DGKD: variants seen among roughly 807,000 people sequenced by gnomAD.
DGKD encodes diacylglycerol kinase delta, also known as DAG kinase delta.
In DGKD, 68 loss-of-function variants were observed where a neutral mutation model predicts 154.4. The ratio of observed to expected loss-of-function variants is 0.44; its 90% CI spans 0.36 to 0.54. The LOEUF (loss-of-function observed/expected upper bound fraction) is 0.54. DGKD is among the 20% of genes least tolerant of loss of function. DGKD has a pLI of 0.00. For synonymous variants in DGKD, 693 were observed against 638.0 expected, an observed-to-expected ratio of 1.09 and a Z score of -1.30; for missense variants, 1,343 against 1,593.6, an observed-to-expected ratio of 0.84 and a Z score of 2.68.
rs998993449 is a variant in DGKD, at chr2:233,452,506, G to C, written c.2264+446G>C. The stretch of plus-strand genomic sequence containing the variant: ...TCTAACACCTGCTCTCCTTGTTGGT[G>C]ATGCAGAACCACAGACTCTGAGCTG... On this transcript the variant is annotated intron_variant, in intron 18 of 29. Coordinates refer to ENST00000264057, the MANE Select transcript of DGKD (RefSeq NM_152879.3). The surrounding 1 kb of genome is among the most constrained non-coding windows in gnomAD (Gnocchi z 4.0). Among the ~76,000 whole-genome samples, 1 of 152,140 alleles carries C rather than the reference G, an allele frequency of 6.6e-6. No individual in the cohort carries two copies. The highest frequency in any genetic ancestry group is 2.1e-4 in the South Asian group (1 of 4,826).
At position 233,462,388 on chromosome 2, in the gene DGKD, G is replaced by A. The variant is rs1224967535; in HGVS notation, c.3022G>A (p.Glu1008Lys). 6.2e-7 allele frequency: 1 copy of A among 1,604,776 alleles called. No individual in the cohort carries two copies. The highest frequency in any genetic ancestry group is 1.7e-5 in the Admixed American group (1 of 59,880). The stretch of plus-strand genomic sequence containing the variant: ...TCAGTCTCACCGGGACATGGAGCAG[G>A]AACTGGCCCACGCCGTCAATGCCAG... Reference protein sequence around the residue: ...IAQSHRDMEQELAHAVNASSK... With the variant: ...IAQSHRDMEQKLAHAVNASSK... The change falls in exon 25 of 30, where the codon GAA (glutamate) becomes AAA (lysine). Residue 1008 changes from glutamate (E) to lysine (K), a missense_variant. This residue lies in a region of DGKD where 429 missense variants were observed against 496.3 expected (regional missense o/e 0.86). Transcript: ENST00000264057.
At chr2:233,448,923 G>A (rs754234075) in intron 14 of DGKD, among the ~76,000 whole-genome samples, 180 bp from the exon 15 acceptor site, 5 of 152,208 alleles carry the variant, frequency 3.3e-5, no homozygotes, top group Non-Finnish European at 5.9e-5. Context: ...TGCCAGGGCG[G>A]GAAAGGTGGG....
Position 233,462,416 on chromosome 2 carries a change from C to T in DGKD, c.3050C>T (p.Ser1017Phe), listed in dbSNP as rs374511026. ...CTGGCCCACGCCGTCAATGCCAGCT[C>T]CAAGTCCATGGACCGTGTGTATGGC... ...QELAHAVNASSKSMDRVYGKP... is the reference protein window; with the variant it reads ...QELAHAVNASFKSMDRVYGKP... The change falls in exon 25 of 30, where the codon TCC becomes TTC. Residue 1017 changes from serine to phenylalanine, a missense_variant. Physicochemically the swap from Ser to Phe is radical, Grantham distance 155. Transcript: ENST00000264057. 4.4e-6 allele frequency: 7 copies of T among 1,603,936 alleles called. No individual in the cohort carries two copies. Among genetic ancestry groups the T allele is most frequent in the African/African-American group, 1.3e-5 (1 of 74,784 alleles).
chr2:233,426,472 T>A (rs2062303583), intron 3 of DGKD, among the ~76,000 whole-genome samples: 1 of 152,116 alleles, frequency 6.6e-6, no homozygotes, highest in African/African-American at 2.4e-5. Flanking sequence ...GCCCCTCCTG[T>A]CAAAGCAGCT....
At chr2:233,431,999 C>T (rs2062529576) in intron 3 of DGKD, among the ~76,000 whole-genome samples, 1 of 152,130 alleles carries the variant, frequency 6.6e-6, no homozygotes, top group Admixed American at 6.5e-5. Context: ...AGGAAAAAAG[C>T]AGTGAAAAAA....
At chr2:233,388,550 T>C (rs376624362) in intron 2 of DGKD, 183 bp downstream of exon 2, 3 of 512,908 alleles carry the variant, frequency 5.8e-6, no homozygotes, top group Non-Finnish European at 1.0e-5. Flanking sequence ...TTATTTCTTA[T>C]CAAAATTAAT....
intron 1 of DGKD, among the ~76,000 whole-genome samples, chr2:233,357,679 G>A (rs184802502): frequency 1.2e-3 from 177 of 152,068 alleles, no homozygotes; most frequent in African/African-American, 4.0e-3. Context: ...TGGGACTACA[G>A]GCAAATGCCA....
chr2:233,461,559 G>C (rs2063646345), intron 24 of DGKD, among the ~76,000 whole-genome samples: 1 of 152,248 alleles, frequency 6.6e-6, no homozygotes, highest in Non-Finnish European at 1.5e-5. Flanking sequence ...ACCCCACCCA[G>C]ATCAGTGATG....
chr2:233,388,505 C>A, intron 2 of DGKD, 138 bp downstream of exon 2: 1 of 732,332 alleles, frequency 1.4e-6, no homozygotes, highest in Non-Finnish European at 2.2e-6. Flanking sequence ...TGTAACACTC[C>A]ACGCTGTCAG....
chr2:233,393,334 C>CTTT (rs61587988), intron 3 of DGKD, among the ~76,000 whole-genome samples: 9 of 103,862 alleles, frequency 8.7e-5, no homozygotes, highest in African/African-American at 1.1e-4. Flanking sequence ...GGCCTGTTTC[C>CTTT]TTTTTTTTTT....
At chr2:233,405,037 T>C (rs1453847450) in intron 3 of DGKD, among the ~76,000 whole-genome samples, 1 of 152,348 alleles carries the variant, frequency 6.6e-6, no homozygotes, top group Non-Finnish European at 1.5e-5. Context: ...GCCCTTGGTT[T>C]ATTTTTAAAT....
chr2:233,394,847 A>G (rs976197788), intron 3 of DGKD, among the ~76,000 whole-genome samples: 2 of 151,328 alleles, frequency 1.3e-5, no homozygotes, highest in African/African-American at 4.9e-5. Flanking sequence ...AGCTGGAACC[A>G]CAGGCATTGT....
Position 233,445,907 on chromosome 2 carries a change from A to G in DGKD, c.1334+145A>G. On this transcript the variant is annotated intron_variant, in intron 11 of 29. Coordinates refer to ENST00000264057, the MANE Select transcript of DGKD (RefSeq NM_152879.3). This position sits in a 1 kb window ranked among gnomAD's most constrained non-coding sequence, Gnocchi z 5.5. Reference sequence around the variant, plus strand: ...ATTTGACCTGAGTATATATTCGGATAGTCTTTGATATTTGGTCAGATTATG... The same window carrying G: ...ATTTGACCTGAGTATATATTCGGATGGTCTTTGATATTTGGTCAGATTATG... 6 of 1,054,136 alleles carry G rather than the reference A, an allele frequency of 5.7e-6. No individual in the cohort carries two copies. The highest frequency in any genetic ancestry group is 7.8e-6 in the Non-Finnish European group (6 of 766,798). The allele number at this position is 1,054,136 out of a possible 1,614,324, so 65.3% of individuals were successfully genotyped here.
chr2:233,366,606 G>A (rs1702039764), intron 1 of DGKD, among the ~76,000 whole-genome samples: 1 of 152,164 alleles, frequency 6.6e-6, no homozygotes, highest in East Asian at 1.9e-4. Flanking sequence ...GCCAATGAAC[G>A]ACATAGATTC....
chr2:233,428,389 G>A (rs193146089), intron 3 of DGKD, among the ~76,000 whole-genome samples: 1 of 152,266 alleles, frequency 6.6e-6, no homozygotes, highest in East Asian at 1.9e-4. Flanking sequence ...TTGGGAGAGT[G>A]GACCACTGAT....
chr2:233,405,733 ACTT>A (rs965817465), intron 3 of DGKD, among the ~76,000 whole-genome samples: 40 of 152,022 alleles, frequency 2.6e-4, no homozygotes, highest in African/African-American at 8.9e-4. Context: ...AGGCAAATAA[ACTT>A]CTGTTCATTT....
chr2:233,361,920 C>T (rs1332896945), intron 1 of DGKD, among the ~76,000 whole-genome samples: 1 of 152,102 alleles, frequency 6.6e-6, no homozygotes, highest in African/African-American at 2.4e-5. Context: ...CTCAGCCCCC[C>T]GAGTAGCTAG....
intron 1 of DGKD, among the ~76,000 whole-genome samples, chr2:233,366,836 C>A (rs1702051015): frequency 6.6e-6 from 1 of 151,892 alleles, no homozygotes; most frequent in Non-Finnish European, 1.5e-5. Context: ...AAGAGGAGGA[C>A]TAGTCAAAGA....
In DGKD at chr2:233,438,238, C is replaced by T. The variant is rs760224750; in HGVS notation, c.944C>T (p.Pro315Leu). ...CCAGGGTTCTGGAAGGCCAGCTGTC[C>T]TCCTTCTTGCACAAGCCCACTGTTG... is the stretch of plus-strand genomic sequence containing the variant. ...DSDGFWKASC[P>L]PSCTSPLLVF... is the part of the protein sequence containing the mutation. Residue 315 changes from proline to leucine, a missense_variant, in exon 9 of 30, where the codon CCT becomes CTT. By Grantham distance (98) the Pro-to-Leu change is moderately conservative. Around this residue, in one of 6 missense-constraint regions of DGKD, gnomAD observed 332 missense variants for 400.1 expected, o/e 0.83. Transcript: ENST00000264057. This position sits in a 1 kb window ranked among gnomAD's most constrained non-coding sequence, Gnocchi z 4.1. 1 of 1,614,040 alleles carries T rather than the reference C, an allele frequency of 6.2e-7. No homozygotes were observed. The highest frequency in any genetic ancestry group is 1.7e-4 in the Middle Eastern group (1 of 6,050).
Sources: gnomAD v4.1 joint callset for allele counts (sites outside exome capture counted in the v4.1 genomes callset) on GRCh38, gnomAD v4.1.1 for gene constraint, gnomAD v4.1.1 regional missense constraint, Gnocchi (gnomAD v3.1) non-coding constraint, MANE v1.5 for transcripts, NCBI Gene and HGNC (gene_info 2026-07-23, HGNC 2026-07-21) for gene names.